Variants in NELL2 observed in about 807,000 individuals in gnomAD.
NELL2 encodes the protein protein kinase C-binding protein NELL2.
Under a neutral mutation model 109.6 loss-of-function variants are expected in NELL2, and 41 were observed. The observed-to-expected ratio is 0.37, with a 90% CI of 0.29 to 0.49. The LOEUF is 0.49. Among genes scored for constraint, NELL2 ranks in the 20% least tolerant of loss-of-function variants. The pLI is 0.98. For missense variants in NELL2, 900 were observed against 1,008.3 expected (o/e 0.89, Z 1.45); for synonymous variants, 355 against 344.7 (o/e 1.03, Z -0.33).
intron 15 of NELL2, among the ~76,000 whole-genome samples, chr12:44,599,023 A>G (rs1024296416): frequency 3.3e-5 from 5 of 152,192 alleles, no homozygotes; most frequent in Non-Finnish European, 7.3e-5. Flanking sequence ...AGAATTTTGA[A>G]GTTAAAAATT....
intron 13 of NELL2, among the ~76,000 whole-genome samples, chr12:44,659,617 A>G (rs1180556610): frequency 1.3e-5 from 2 of 152,248 alleles, no homozygotes; most frequent in Non-Finnish European, 2.9e-5. Flanking sequence ...ATCTCTGGTC[A>G]TTAGTGATAA....
chr12:44,575,947 T>C (rs1944061481), intron 15 of NELL2, among the ~76,000 whole-genome samples: 2 of 152,182 alleles, frequency 1.3e-5, no homozygotes, highest in African/African-American at 2.4e-5. Context: ...CAAGCCATCA[T>C]AGTTTGACCC....
chr12:44,905,955 T>C (rs930020551), intron 1 of NELL2, among the ~76,000 whole-genome samples: 10 of 152,028 alleles, frequency 6.6e-5, no homozygotes, highest in Admixed American at 6.6e-4. Context: ...TAAACTAAAT[T>C]GCCTATAATT....
intron 13 of NELL2, among the ~76,000 whole-genome samples, chr12:44,664,696 T>C (rs1487898265): frequency 6.6e-6 from 1 of 152,146 alleles, no homozygotes; most frequent in Non-Finnish European, 1.5e-5. Flanking sequence ...TCCAGTTTTA[T>C]GATTCTACCT....
intron 19 of NELL2, among the ~76,000 whole-genome samples, chr12:44,510,793 C>G (rs1458759012): frequency 2.0e-5 from 3 of 152,194 alleles, no homozygotes; most frequent in Non-Finnish European, 2.9e-5. Context: ...CAGCTGTGCC[C>G]TAGAATCTCC....
At chr12:44,604,655 T>A (rs960400709) in intron 15 of NELL2, among the ~76,000 whole-genome samples, 13 of 152,034 alleles carry the variant, frequency 8.6e-5, no homozygotes, top group Non-Finnish European at 1.6e-4. Flanking sequence ...GGGGTGGGAA[T>A]GAAGTGAGAT....
rs11531290 is a variant in NELL2, at chr12:44,786,116, G to T, written c.336-6094C>A. Among the ~76,000 whole-genome samples, 235 of 152,044 alleles carry T rather than the reference G, an allele frequency of 1.5e-3. 6 individuals carry two copies. In the East Asian group the frequency reaches 0.035, roughly 23 times the overall value. On this transcript the variant is annotated intron_variant, in intron 3 of 19. Transcript: ENST00000429094. Reference sequence around the variant, plus strand: ...AACCTACAGAATGGGAGAAAATTTTGGCATTCTATCCATCTGACAAAGGGC... The same window carrying T: ...AACCTACAGAATGGGAGAAAATTTTTGCATTCTATCCATCTGACAAAGGGC...
chr12:44,722,762 T>C (rs934220099), intron 9 of NELL2, among the ~76,000 whole-genome samples: 1 of 152,182 alleles, frequency 6.6e-6, no homozygotes, highest in Non-Finnish European at 1.5e-5. Flanking sequence ...AGGATTCCAA[T>C]GAACATCCAG....
intron 9 of NELL2, among the ~76,000 whole-genome samples, chr12:44,769,942 G>A (rs1941481960): frequency 1.3e-5 from 2 of 152,034 alleles, no homozygotes; most frequent in African/African-American, 4.8e-5. Flanking sequence ...ATTAGTTCTG[G>A]GTTTCAACCT....
rs78913145 is a variant in NELL2, at chr12:44,585,217, C to T, written c.1663+21952G>A. ...TCTAGGAAATAGTTTTACAGAAACGCTTACACATTTGCACAAAAAATATAC... is the reference window on the plus strand; with the variant it reads ...TCTAGGAAATAGTTTTACAGAAACGTTTACACATTTGCACAAAAAATATAC... On this transcript the variant is annotated intron_variant, in intron 15 of 19. Transcript: ENST00000429094. Among the ~76,000 whole-genome samples, 1,356 of 152,260 alleles carry T rather than the reference C, an allele frequency of 8.9e-3. 14 individuals are homozygous for T. The highest frequency in any genetic ancestry group is 0.031 in the African/African-American group (1,276 of 41,550).
At chr12:44,786,433 A>G (rs2408056) in intron 3 of NELL2, among the ~76,000 whole-genome samples, 35,815 of 151,880 alleles carry the variant, frequency 0.24, 4,453 homozygotes, top group South Asian at 0.3. Flanking sequence ...TGATGGGAAT[A>G]TAAATTAGTG....
At chr12:44,769,737 T>C (rs945886927) in intron 9 of NELL2, among the ~76,000 whole-genome samples, 1 of 152,120 alleles carries the variant, frequency 6.6e-6, no homozygotes, top group African/African-American at 2.4e-5. Context: ...ATAGACTGAA[T>C]TGTGGTACAT....
intron 9 of NELL2, among the ~76,000 whole-genome samples, chr12:44,715,450 A>C (rs1938435136): frequency 2.0e-5 from 3 of 151,808 alleles, no homozygotes. Context: ...GTTCACACAA[A>C]CATTTAGCCA....
rs71435995 is a variant in NELL2, at chr12:44,909,742, G to GACACACACACACACAC, written c.38+4041_38+4056dup. On this transcript the variant is annotated intron_variant, in intron 1 of 20. Transcript: ENST00000333837. ...ATGGTTTTGGTGACACACAGACACAGACACACACACACACACACACACACA... is the reference window on the plus strand; with the variant it reads ...ATGGTTTTGGTGACACACAGACACAGACACACACACACACACACACACACACACACACACACACACA... Among the ~76,000 whole-genome samples the GACACACACACACACAC allele has an allele frequency of 5.5e-5, 8 of 144,532 alleles. 1 individual carries two copies. The highest frequency in any genetic ancestry group is 1.5e-4 in the African/African-American group (6 of 39,680). The allele number at this position is 144,532 out of a possible 152,430, so 94.8% of individuals were successfully genotyped here.
chr12:44,790,809 G>C (rs1306368366), intron 3 of NELL2, among the ~76,000 whole-genome samples: 1 of 151,422 alleles, frequency 6.6e-6, no homozygotes, highest in Non-Finnish European at 1.5e-5. Context: ...TTCAAGTAAA[G>C]GCATGGAAAA....
chr12:44,692,180 G>A (rs1159356341), intron 12 of NELL2, among the ~76,000 whole-genome samples: 1 of 152,176 alleles, frequency 6.6e-6, no homozygotes, highest in African/African-American at 2.4e-5. Context: ...GTGACGTTAA[G>A]TTGAAGCCAT....
chr12:44,838,512 T>G (rs1335334244), intron 2 of NELL2, among the ~76,000 whole-genome samples: 1 of 152,162 alleles, frequency 6.6e-6, no homozygotes, highest in Non-Finnish European at 1.5e-5. Context: ...CCTGGTTACT[T>G]TGGTTCCCAT....
chr12:44,623,673 A>G (rs1946137315), intron 13 of NELL2, among the ~76,000 whole-genome samples: 1 of 152,092 alleles, frequency 6.6e-6, no homozygotes, highest in African/African-American at 2.4e-5. Flanking sequence ...TCAATTCATC[A>G]TTCTCTTTCC....
intron 9 of NELL2, among the ~76,000 whole-genome samples, chr12:44,744,986 C>G (rs1434434251): frequency 6.6e-6 from 1 of 152,178 alleles, no homozygotes; most frequent in African/African-American, 2.4e-5. Flanking sequence ...CAAAGCCTGG[C>G]AGAGACACAA....
Sources: gnomAD v4.1 joint callset for allele counts (sites outside exome capture counted in the v4.1 genomes callset) on GRCh38, gnomAD v4.1.1 for gene constraint, MANE v1.5 for transcripts, NCBI Gene and HGNC (gene_info 2026-07-23, HGNC 2026-07-21) for gene names.